Variants in SNRPE observed in about 807,000 individuals in gnomAD.
SNRPE encodes the protein small nuclear ribonucleoprotein polypeptide E.
For missense variants in SNRPE, 53 were observed against 111.6 expected, an observed-to-expected ratio of 0.48 and a Z score of 2.36; for synonymous variants, 35 against 36.7, an observed-to-expected ratio of 0.95 and a Z score of 0.17.
chr1:203,863,783 G>C, intron 3 of SNRPE, 58 bp downstream of exon 3: 1 of 1,179,314 alleles, frequency 8.5e-7, no homozygotes, highest in South Asian at 1.2e-5. Flanking sequence ...AGACTTAACA[G>C]AAAGTGTCTA....
intron 2 of SNRPE, 169 bp from the exon 3 acceptor site, chr1:203,863,494 T>G (rs949469637): frequency 2.0e-5 from 11 of 558,952 alleles, no homozygotes; most frequent in Non-Finnish European, 3.2e-5. Context: ...ATTTTTTTTG[T>G]ATTTTTAGTA....
chr1:203,864,930 A>T, intron 3 of SNRPE, 111 bp from the exon 4 acceptor site: 24 of 789,592 alleles, frequency 3.0e-5, no homozygotes, highest in East Asian at 1.3e-4. Flanking sequence ...GTGGGGCTTG[A>T]GAAGAGTGAA....
At chr1:203,862,590 C>T (rs942521200) in intron 2 of SNRPE, among the ~76,000 whole-genome samples, 3 of 152,134 alleles carry the variant, frequency 2.0e-5, no homozygotes, top group African/African-American at 7.2e-5. Context: ...GGAAGAAAAA[C>T]CCAGCCAACT....
rs189390204 is a variant in SNRPE at position 203,867,793 on chromosome 1, T to G, written c.224-2084T>G. On this transcript the variant is annotated intron_variant, in intron 4 of 4. Transcript: ENST00000414487. ...ACAGGGACCAGGACTGGTACTGGTCTGTGGCCCAGGGGTTAGGAAGCCCTG... is the reference window on the plus strand; with the variant it reads ...ACAGGGACCAGGACTGGTACTGGTCGGTGGCCCAGGGGTTAGGAAGCCCTG... Among the ~76,000 whole-genome samples the G allele has an allele frequency of 1.2e-3, 178 of 151,210 alleles. 5 individuals carry two copies. The East Asian group carries it at 0.031, about 26-fold the overall frequency.
chr1:203,861,922 A>G lies in SNRPE; in HGVS notation c.54+209A>G, dbSNP rs1007400522. ...GACCCCTGCCGTGGGGAATGCAGGAATGGACGCGGCAAAAGGAGGGAAGAG... is the reference window on the plus strand; with the variant it reads ...GACCCCTGCCGTGGGGAATGCAGGAGTGGACGCGGCAAAAGGAGGGAAGAG... On this transcript the variant is annotated intron_variant, in intron 1 of 4. Transcript: ENST00000414487. 9.7e-6 allele frequency: 6 copies of G among 617,204 alleles called. No homozygotes were observed. In the South Asian group the frequency reaches 1.2e-4, roughly 12 times the overall value. 38.2% of individuals were successfully genotyped at this position (617,204 alleles called of 1,614,324 possible).
intron 4 of SNRPE, among the ~76,000 whole-genome samples, chr1:203,869,515 C>T (rs1230621199): frequency 1.3e-5 from 2 of 151,916 alleles, no homozygotes; most frequent in African/African-American, 4.8e-5. Flanking sequence ...CTTTAATATA[C>T]TAACAGCTTT....
Position 203,869,289 on chromosome 1 carries a change from C to CTTTTTTTTTTTTTTTTTTTTTTTTTTTTT in SNRPE, c.224-582_224-554dup, listed in dbSNP as rs564988259. On this transcript the variant is annotated intron_variant, in intron 4 of 4. Coordinates refer to ENST00000414487, the MANE Select transcript of SNRPE (RefSeq NM_003094.4). ...AGGTTTGTTTATTGTAGGATGGAGT[C>CTTTTTTTTTTTTTTTTTTTTTTTTTTTTT]TTTTTTTTTTTTTTTTTTTTTTTTT... 7.5e-5 allele frequency among the ~76,000 whole-genome samples: 5 copies of CTTTTTTTTTTTTTTTTTTTTTTTTTTTTT among 66,812 alleles called. 1 individual carries two copies. The highest frequency in any genetic ancestry group is 7.9e-5 in the Non-Finnish European group (3 of 37,904). The allele number at this position is 66,812 out of a possible 152,430, so 43.8% of individuals were successfully genotyped here. A position where few individuals can be genotyped will look rare whatever the true frequency, so the allele number is the denominator to read the frequency against.
intron 4 of SNRPE, among the ~76,000 whole-genome samples, chr1:203,865,430 G>T (rs907813882): frequency 6.6e-6 from 1 of 152,082 alleles, no homozygotes. Context: ...TCCTTAAAGC[G>T]CTTTGTTCCC....
At chr1:203,865,329 A>T (rs971960512) in intron 4 of SNRPE, among the ~76,000 whole-genome samples, 7 of 152,166 alleles carry the variant, frequency 4.6e-5, no homozygotes, top group Admixed American at 3.9e-4. Flanking sequence ...TCACCAAGGG[A>T]ACCAAAGACT....
intron 4 of SNRPE, among the ~76,000 whole-genome samples, chr1:203,866,579 A>G (rs1475048265): frequency 6.6e-6 from 1 of 152,138 alleles, no homozygotes; most frequent in Non-Finnish European, 1.5e-5. Context: ...GTTTAGAGCT[A>G]TTGTATTATT....
At chr1:203,863,315 G>T (rs890838389) in intron 2 of SNRPE, among the ~76,000 whole-genome samples, 7 of 151,846 alleles carry the variant, frequency 4.6e-5, no homozygotes, top group Admixed American at 2.0e-4. Context: ...GAGGCACCTG[G>T]CCTGTTTTTC....
Position 203,870,137 on chromosome 1 carries a change from A to T in SNRPE, c.*205A>T. The T allele has an allele frequency of 2.2e-6, 1 of 457,902 alleles. No homozygotes were observed. Among genetic ancestry groups the T allele is most frequent in the Non-Finnish European group, 3.9e-6 (1 of 259,176 alleles). The allele number at this position is 457,902 out of a possible 1,614,324, so 28.4% of individuals were successfully genotyped here. ...TAGAAACTTTTTACACAGTAACACC[A>T]TTCGTTGCTGGTATTTAGTTTTCTG... On this transcript the variant is annotated 3_prime_UTR_variant, in exon 5 of 5. Coordinates refer to ENST00000414487, the MANE Select transcript of SNRPE (RefSeq NM_003094.4).
At chr1:203,869,278 T>A (rs1250675993) in intron 4 of SNRPE, among the ~76,000 whole-genome samples, 1 of 146,954 alleles carries the variant, frequency 6.8e-6, no homozygotes, top group Non-Finnish European at 1.5e-5. Flanking sequence ...TTGTTTATTG[T>A]AGGATGGAGT....
intron 2 of SNRPE, 112 bp downstream of exon 2, chr1:203,862,334 C>T: frequency 1.3e-6 from 1 of 787,708 alleles, no homozygotes; most frequent in South Asian, 1.5e-5. Context: ...ATAGATGTAA[C>T]TGGAGATTGG....
At chr1:203,867,623 C>G (rs1035955570) in intron 4 of SNRPE, among the ~76,000 whole-genome samples, 1 of 152,028 alleles carries the variant, frequency 6.6e-6, no homozygotes, top group Non-Finnish European at 1.5e-5. Context: ...AGGTTTTGCG[C>G]TCCTATGAGA....
rs1348771481 is a variant in SNRPE, at chr1:203,866,964, CT to C, written c.223+1847del. Among the ~76,000 whole-genome samples the C allele has an allele frequency of 7.9e-4, 49 of 61,686 alleles. 1 individual carries two copies. Among genetic ancestry groups the C allele is most frequent in the African/African-American group, 2.6e-3 (49 of 18,950 alleles). 40.5% of individuals were successfully genotyped at this position (61,686 alleles called of 152,430 possible). ...TCTGTAGAGCTCAGATCAAATATCA[CT>C]TCTTTTAAGACAGCGGTCCCCTAGG... is the stretch of plus-strand genomic sequence containing the variant. On this transcript the variant is annotated intron_variant, in intron 4 of 4. Coordinates refer to ENST00000414487, the MANE Select transcript of SNRPE (RefSeq NM_003094.4).
At chr1:203,863,520 C>T in intron 2 of SNRPE, 143 bp from the exon 3 acceptor site, 1 of 621,792 alleles carries the variant, frequency 1.6e-6, no homozygotes, top group Non-Finnish European at 2.9e-6. Context: ...GGGGTTTCAC[C>T]ATGTTAACGA....
chr1:203,862,535 T>C (rs1689998152), intron 2 of SNRPE, among the ~76,000 whole-genome samples: 1 of 152,190 alleles, frequency 6.6e-6, no homozygotes, highest in African/African-American at 2.4e-5. Context: ...TTAGTAGTGA[T>C]TATGGCTAGA....
chr1:203,861,820 AT>A (rs1244425111), intron 1 of SNRPE, 107 bp downstream of exon 1: 1 of 870,384 alleles, frequency 1.1e-6, no homozygotes, highest in Non-Finnish European at 2.0e-6. Flanking sequence ...TCCACATCCC[AT>A]GAGCCCCCGG....
Sources: allele counts gnomAD v4.1 joint callset (sites outside exome capture counted in the v4.1 genomes callset), GRCh38; gene constraint gnomAD v4.1.1; transcripts MANE v1.5; gene names NCBI Gene and HGNC (gene_info 2026-07-23, HGNC 2026-07-21).